VSIG10: variants seen among roughly 807,000 people sequenced by gnomAD.
The protein encoded by VSIG10 is V-set and immunoglobulin domain containing 10, also known as V-set and immunoglobulin domain-containing protein 10.
Under a neutral mutation model 58.7 loss-of-function variants are expected in VSIG10, and 48 were observed. The ratio of observed to expected loss-of-function variants is 0.82; its 90% CI spans 0.65 to 1.04. The LOEUF is 1.04. VSIG10 is among the 50% of genes least tolerant of loss of function. The probability of loss-of-function intolerance (pLI) is 0.00; values close to 1 mark genes in which losing one functional copy is unlikely to be tolerated. For missense variants in VSIG10, 628 were observed against 670.0 expected (o/e 0.94, Z 0.69); for synonymous variants, 260 against 267.1 (o/e 0.97, Z 0.26).
intron 4 of VSIG10, among the ~76,000 whole-genome samples, chr12:118,075,142 A>G (rs1410385203): frequency 2.2e-5 from 3 of 133,872 alleles, no homozygotes; most frequent in Non-Finnish European, 4.7e-5. Flanking sequence ...ATATGTATAT[A>G]TGTGTATATG....
chr12:118,101,439 C>T (rs892192058), intron 1 of VSIG10, among the ~76,000 whole-genome samples: 2 of 152,106 alleles, frequency 1.3e-5, no homozygotes, highest in Non-Finnish European at 2.9e-5. Context: ...TCTCCTGCAC[C>T]AGACAGGATG....
chr12:118,080,611 A>C (rs774816716), intron 3 of VSIG10, among the ~76,000 whole-genome samples: 1 of 152,220 alleles, frequency 6.6e-6, no homozygotes, highest in Non-Finnish European at 1.5e-5. Flanking sequence ...ACACAGGTCC[A>C]CAAAAACAAT....
At chr12:118,098,772 G>A (rs866017026) in intron 1 of VSIG10, among the ~76,000 whole-genome samples, 1 of 152,142 alleles carries the variant, frequency 6.6e-6, no homozygotes, top group African/African-American at 2.4e-5. Context: ...AGCCCAGATC[G>A]GCAGCCGCAG....
Position 118,082,124 on chromosome 12 carries a change from C to A in VSIG10, c.664+3G>T. ...GCGGGGCAGAGGAGTGCTGCTTACGCACAGTAGACCAGGAGCTCGGTGGTC... is the reference window on the plus strand; with the variant it reads ...GCGGGGCAGAGGAGTGCTGCTTACGAACAGTAGACCAGGAGCTCGGTGGTC... On this transcript the variant is annotated splice_donor_region_variant and intron_variant, in intron 3 of 8. Transcript: ENST00000359236. The A allele has an allele frequency of 6.2e-7, 1 of 1,612,646 alleles. No homozygotes were observed.
chr12:118,077,990 T>C (rs2032793211), intron 4 of VSIG10, among the ~76,000 whole-genome samples: 1 of 152,154 alleles, frequency 6.6e-6, no homozygotes, highest in Non-Finnish European at 1.5e-5. Context: ...AGCCACTATG[T>C]TTGAGAGTAA....
chr12:118,099,037 G>A (rs191389192), intron 1 of VSIG10, among the ~76,000 whole-genome samples: 1 of 151,440 alleles, frequency 6.6e-6, no homozygotes, highest in Non-Finnish European at 1.5e-5. Context: ...ATTATACCTG[G>A]CCCAGCATCT....
At chr12:118,072,204 G>A (rs534055715) in intron 5 of VSIG10, among the ~76,000 whole-genome samples, 2 of 152,014 alleles carry the variant, frequency 1.3e-5, no homozygotes, top group African/African-American at 2.4e-5. Flanking sequence ...GGTGGCTCAC[G>A]CCTGTAATCC....
chr12:118,078,994 A>G (rs1309321922), intron 4 of VSIG10, among the ~76,000 whole-genome samples: 2 of 148,780 alleles, frequency 1.3e-5, no homozygotes, highest in African/African-American at 5.0e-5. Context: ...ACCCAGCCTC[A>G]GGTATTCCTT....
At chr12:118,078,205 C>A (rs1030167239) in intron 4 of VSIG10, among the ~76,000 whole-genome samples, 2 of 152,214 alleles carry the variant, frequency 1.3e-5, no homozygotes, top group Non-Finnish European at 2.9e-5. Context: ...ATCGCCCAGG[C>A]TGGAGTGCAG....
intron 2 of VSIG10, among the ~76,000 whole-genome samples, chr12:118,087,837 C>CAAAAAAAAAAAAA (rs10654315): frequency 1.6e-5 from 1 of 62,594 alleles, no homozygotes. Flanking sequence ...GATCCTGTCT[C>CAAAAAAAAAAAAA]AAAAAAAAAA....
intron 7 of VSIG10, 66 bp downstream of exon 7, chr12:118,070,986 G>T (rs1206803354): frequency 3.2e-6 from 5 of 1,563,232 alleles, no homozygotes; most frequent in Non-Finnish European, 4.4e-6. Context: ...TGAAAGGAAG[G>T]GAACAAAACA....
At chr12:118,091,071 G>T (rs549591212) in intron 2 of VSIG10, among the ~76,000 whole-genome samples, 8 of 152,220 alleles carry the variant, frequency 5.3e-5, no homozygotes, top group African/African-American at 1.9e-4. Flanking sequence ...GGAAGCAGAG[G>T]TTGCAGTGAG....
intron 5 of VSIG10, 34 bp downstream of exon 5, chr12:118,073,663 AAC>A: frequency 6.4e-7 from 1 of 1,559,832 alleles, no homozygotes; most frequent in Non-Finnish European, 8.7e-7. Flanking sequence ...TGAAGCTCTG[AAC>A]CCTCCCTCCT....
At chr12:118,072,769 G>A (rs990292737) in intron 5 of VSIG10, among the ~76,000 whole-genome samples, 25 of 152,170 alleles carry the variant, frequency 1.6e-4, no homozygotes, top group African/African-American at 5.3e-4. Flanking sequence ...GTTACCTTTC[G>A]AGAGAGGCCC....
intron 2 of VSIG10, among the ~76,000 whole-genome samples, chr12:118,088,402 G>A (rs1376011386): frequency 6.6e-6 from 1 of 152,056 alleles, no homozygotes; most frequent in Non-Finnish European, 1.5e-5. Flanking sequence ...ACACAAATCC[G>A]TAACTCCTTC....
chr12:118,078,259 C>T (rs760870514), intron 4 of VSIG10, among the ~76,000 whole-genome samples: 2 of 152,112 alleles, frequency 1.3e-5, no homozygotes, highest in African/African-American at 2.4e-5. Context: ...CCTGGGTTCA[C>T]GCAGTTCTCC....
intron 2 of VSIG10, among the ~76,000 whole-genome samples, chr12:118,086,345 G>A (rs1005554698): frequency 2.6e-5 from 4 of 151,800 alleles, no homozygotes; most frequent in South Asian, 4.2e-4. Context: ...GTGGGTGCCT[G>A]TAATCCCAGC....
intron 8 of VSIG10, 151 bp downstream of exon 8, chr12:118,068,226 A>G: frequency 2.5e-6 from 1 of 403,210 alleles, no homozygotes. Context: ...GTAGAGACAG[A>G]GTCTCACCAT....
At chr12:118,099,465 G>T (rs1316351308) in intron 1 of VSIG10, among the ~76,000 whole-genome samples, 1 of 151,966 alleles carries the variant, frequency 6.6e-6, no homozygotes, top group Non-Finnish European at 1.5e-5. Flanking sequence ...CATAAAAAAA[G>T]ACCGACAGGT....
Sources: allele counts gnomAD v4.1 joint callset (sites outside exome capture counted in the v4.1 genomes callset), GRCh38; gene constraint gnomAD v4.1.1; transcripts MANE v1.5; gene names NCBI Gene and HGNC (gene_info 2026-07-23, HGNC 2026-07-21).